The following TBC1D16 variants were observed in gnomAD, a reference collection of about 807,000 sequenced individuals.
TBC1D16 encodes the protein TBC1 domain family member 16, also known as CTD-2529O21.1.
A neutral mutation model predicts 74.7 loss-of-function variants in TBC1D16; 58 were observed. The observed-to-expected ratio is 0.78, with a 90% confidence interval of 0.63 to 0.97. TBC1D16 has a LOEUF of 0.97. Among genes scored for constraint, TBC1D16 ranks in the 50% least tolerant of loss-of-function variants. TBC1D16 has a pLI of 0.00. For missense variants in TBC1D16, 1,014 were observed against 1,079.5 expected (o/e 0.94, Z 0.85); for synonymous variants, 493 against 474.7 (o/e 1.04, Z -0.50).
intron 1 of TBC1D16, among the ~76,000 whole-genome samples, chr17:80,017,908 G>A (rs1399942661): frequency 6.6e-6 from 1 of 152,004 alleles, no homozygotes; most frequent in Non-Finnish European, 1.5e-5. Flanking sequence ...CCACACAGGG[G>A]CATATGACAA....
chr17:79,951,653 G>C (rs1439356661), intron 4 of TBC1D16, 56 bp from the exon 5 acceptor site: 11 of 1,580,532 alleles, frequency 7.0e-6, no homozygotes, highest in African/African-American at 1.4e-5. Context: ...AAACACGGGG[G>C]TTTTATTTCC....
intron 1 of TBC1D16, among the ~76,000 whole-genome samples, chr17:80,017,680 CAAAAA>C (rs57336950): frequency 2.4e-5 from 2 of 84,824 alleles, no homozygotes; most frequent in Admixed American, 1.5e-4. Flanking sequence ...GACTCCATCT[CAAAAA>C]AAAAAAAAAA....
chr17:80,025,037 ACCATGACACAACCAGG>A (rs1171619163), intron 1 of TBC1D16, among the ~76,000 whole-genome samples: 55 of 59,148 alleles, frequency 9.3e-4, no homozygotes, highest in South Asian at 1.5e-3. Flanking sequence ...ATGCACACAT[ACCATGACACAACCAGG>A]CACACACACT....
In TBC1D16 at chr17:80,000,725, A is replaced by G. The variant is rs2035455893; in HGVS notation, c.779+9435T>C. On this transcript the variant is annotated intron_variant, in intron 3 of 11. Coordinates refer to ENST00000310924, the MANE Select transcript of TBC1D16 (RefSeq NM_019020.4). This position sits in a 1 kb window ranked among gnomAD's most constrained non-coding sequence, Gnocchi z 4.1. ...GCCCTCTGTGCAGAGCTTTACACGC[A>G]CGGCCTTCCTGAACCCCCACAATGC... 2.0e-5 allele frequency among the ~76,000 whole-genome samples: 3 copies of G among 152,150 alleles called. No homozygotes were observed. In the South Asian group the frequency reaches 6.2e-4, roughly 32 times the overall value.
rs981210031 is a variant in TBC1D16 at position 79,944,271 on chromosome 17, GT to G, written c.1908+636del. On this transcript the variant is annotated intron_variant, in intron 10 of 11. Transcript: ENST00000310924. This position sits in a 1 kb window ranked among gnomAD's most constrained non-coding sequence, Gnocchi z 7.7. ...AGCCCTCCTGGATGCGTCGATGTGA[GT>G]TTTTTTTTTAAAAGGCTGATGGACT... Among the ~76,000 whole-genome samples, 22 of 150,720 alleles carry G rather than the reference GT, an allele frequency of 1.5e-4. No individual in the cohort carries two copies. Among genetic ancestry groups the G allele is most frequent in the Admixed American group, 3.3e-4 (5 of 15,132 alleles).
intron 2 of TBC1D16, among the ~76,000 whole-genome samples, chr17:80,012,270 G>A (rs984911179): frequency 2.6e-5 from 4 of 152,162 alleles, no homozygotes; most frequent in African/African-American, 4.8e-5. Context: ...AAGAGGGTCC[G>A]AGGTGGCTAC....
At chr17:80,027,450 T>G (rs2036616685) in intron 1 of TBC1D16, among the ~76,000 whole-genome samples, 1 of 152,004 alleles carries the variant, frequency 6.6e-6, no homozygotes, top group South Asian at 2.1e-4. Context: ...ACTTTAAAAA[T>G]TAGCCAGGCT....
At chr17:79,943,595 T>C (rs2032229305) in intron 10 of TBC1D16, among the ~76,000 whole-genome samples, 1 of 111,572 alleles carries the variant, frequency 9.0e-6, no homozygotes, top group Non-Finnish European at 1.7e-5. Flanking sequence ...TACTACCAAA[T>C]TGATCGAGGG....
chr17:80,006,183 G>GCTCTCGCTCT (rs571538259), intron 3 of TBC1D16, among the ~76,000 whole-genome samples: 1,895 of 152,026 alleles, frequency 0.012, 15 homozygotes, highest in Middle Eastern at 0.034. Flanking sequence ...CACCAGGAGC[G>GCTCTCGCTCT]CTCTCGCTCT....
chr17:79,965,085 A>AT (rs35425466), intron 3 of TBC1D16, among the ~76,000 whole-genome samples: 100,038 of 151,030 alleles, frequency 0.66, 33,780 homozygotes, highest in African/African-American at 0.8. Flanking sequence ...TTCTGTATTA[A>AT]TTTTTTTTTG....
In TBC1D16 at chr17:79,961,578, C is replaced by G. The variant is rs2033617135; in HGVS notation, c.780-8760G>C. Reference sequence around the variant, plus strand: ...CAGCTTTATCTAAAATAGCTAAGAACTGGCCAGGCACAGTGGCTCACGCCT... The same window carrying G: ...CAGCTTTATCTAAAATAGCTAAGAAGTGGCCAGGCACAGTGGCTCACGCCT... On this transcript the variant is annotated intron_variant, in intron 3 of 11. Coordinates refer to ENST00000310924, the MANE Select transcript of TBC1D16 (RefSeq NM_019020.4). This position sits in a 1 kb window ranked among gnomAD's most constrained non-coding sequence, Gnocchi z 4.8. Among the ~76,000 whole-genome samples, 1 of 152,162 alleles carries G rather than the reference C, an allele frequency of 6.6e-6. No individual in the cohort carries two copies. The highest frequency in any genetic ancestry group is 6.5e-5 in the Admixed American group (1 of 15,268).
chr17:80,016,392 A>C (rs1158298508), intron 1 of TBC1D16, among the ~76,000 whole-genome samples: 1 of 152,206 alleles, frequency 6.6e-6, no homozygotes, highest in African/African-American at 2.4e-5. Context: ...CCTGATACTT[A>C]AAAATGGTTA....
At position 80,007,920 on chromosome 17, in the gene TBC1D16, G is replaced by A. The variant is rs945045763; in HGVS notation, c.779+2240C>T. On this transcript the variant is annotated intron_variant, in intron 3 of 11. Coordinates refer to ENST00000310924, the MANE Select transcript of TBC1D16 (RefSeq NM_019020.4). This position sits in a 1 kb window ranked among gnomAD's most constrained non-coding sequence, Gnocchi z 4.5. ...ATCCTGAAAATGATGGGCGGCCCCC[G>A]GTGGGTCCCAGGCAGAGGGACAGCC... Among the ~76,000 whole-genome samples, 15 of 152,172 alleles carry A rather than the reference G, an allele frequency of 9.9e-5. No homozygotes were observed. Among genetic ancestry groups the A allele is most frequent in the African/African-American group, 2.9e-4 (12 of 41,514 alleles).
chr17:79,949,449 C>A (rs1308701495), intron 7 of TBC1D16, among the ~76,000 whole-genome samples: 1 of 152,236 alleles, frequency 6.6e-6, no homozygotes, highest in Admixed American at 6.5e-5. Context: ...AGCTGTGGGA[C>A]GTCAGCGCCT....
In TBC1D16 at chr17:80,035,738, G is replaced by A. The variant is rs1410642213; in HGVS notation, c.-63+57C>T. ...CTCCGCCGAGGGGGCGCTGCTCGCT[G>A]CGCGGTGGACCCCTCGGACCCCGCC... On this transcript the variant is annotated intron_variant, in intron 1 of 11. Coordinates refer to ENST00000310924, the MANE Select transcript of TBC1D16 (RefSeq NM_019020.4). The surrounding 1 kb of genome is among the most constrained non-coding windows in gnomAD (Gnocchi z 5.3). The A allele has an allele frequency of 6.8e-6, 1 of 147,310 alleles. No homozygotes were observed. The highest frequency in any genetic ancestry group is 2.0e-4 in the East Asian group (1 of 5,068). The allele number at this position is 147,310 out of a possible 1,614,324, so 9.1% of individuals were successfully genotyped here.
At chr17:79,949,160 G>A (rs1011401743) in intron 7 of TBC1D16, among the ~76,000 whole-genome samples, 154 bp from the exon 8 acceptor site, 2 of 152,250 alleles carry the variant, frequency 1.3e-5, no homozygotes, top group African/African-American at 4.8e-5. Flanking sequence ...CCCCGGATGC[G>A]GCGGATGGGT....
At chr17:79,943,810 G>C (rs909430917) in intron 10 of TBC1D16, 26 of 1,311,264 alleles carry the variant, frequency 2.0e-5, no homozygotes, top group Non-Finnish European at 2.5e-5. Context: ...CTGAGTTCAC[G>C]GGTAACATCA....
chr17:80,026,897 G>A (rs972238239), intron 1 of TBC1D16, among the ~76,000 whole-genome samples: 1 of 149,280 alleles, frequency 6.7e-6, no homozygotes, highest in Non-Finnish European at 1.5e-5. Context: ...CCTTCTGCGG[G>A]CCTGGGGCTC....
At chr17:80,006,502 G>T (rs899707739) in intron 3 of TBC1D16, among the ~76,000 whole-genome samples, 1 of 152,128 alleles carries the variant, frequency 6.6e-6, no homozygotes, top group Non-Finnish European at 1.5e-5. Context: ...CGAAGGCCCC[G>T]GGGGATGGGG....
Sources: allele counts gnomAD v4.1 joint callset (sites outside exome capture counted in the v4.1 genomes callset), GRCh38; gene constraint gnomAD v4.1.1; non-coding constraint Gnocchi (gnomAD v3.1); transcripts MANE v1.5; gene names NCBI Gene and HGNC (gene_info 2026-07-23, HGNC 2026-07-21).